The following MRTFB variants were observed in gnomAD, a reference collection of about 807,000 sequenced individuals.
MRTFB encodes myocardin-related transcription factor B.
Under a neutral mutation model 104.2 loss-of-function variants are expected in MRTFB, and 29 were observed. The ratio of observed to expected loss-of-function variants is 0.28; its 90% CI spans 0.21 to 0.38. The LOEUF is 0.38. Among genes scored for constraint, MRTFB ranks in the 10% least tolerant of loss-of-function variants. The pLI is 1.00. For synonymous variants in MRTFB, 535 were observed against 519.5 expected (o/e 1.03, Z -0.41); for missense variants, 1,270 against 1,341.6 (o/e 0.95, Z 0.83).
chr16:14,040,808 G>A, the MRTFB span, among the ~76,000 whole-genome samples: 1 of 152,000 alleles, frequency 6.6e-6, no homozygotes. Context: ...TTGCCAATCT[G>A]ATAGGTAGAA....
chr16:14,141,469 A>C (rs982343077), intron 3 of MRTFB: 9 of 152,264 alleles, frequency 5.9e-5, no homozygotes, highest in African/African-American at 2.2e-4. Flanking sequence ...AAGCATGCAC[A>C]TTAAAAAATA....
At chr16:14,223,167 G>C (rs534693815) in intron 8 of MRTFB, among the ~76,000 whole-genome samples, 1 of 152,096 alleles carries the variant, frequency 6.6e-6, no homozygotes, top group South Asian at 2.1e-4. Context: ...AGAAATAGCT[G>C]GGCGTGGTAG....
At chr16:14,116,511 C>T (rs1043510371) in intron 2 of MRTFB, among the ~76,000 whole-genome samples, 50 of 152,104 alleles carry the variant, frequency 3.3e-4, no homozygotes, top group African/African-American at 1.2e-3. Context: ...CCTCCTAAGC[C>T]TCTGACACTT....
rs376183467 is a variant in MRTFB at position 14,162,152 on chromosome 16, C to CAAAAA, written c.154+21410_154+21414dup. On this transcript the variant is annotated intron_variant, in intron 3 of 16. Coordinates refer to ENST00000571589, the MANE Select transcript of MRTFB (RefSeq NM_001308142.2). ...GCAACATAGGGAGACCCTGTCTCTA[C>CAAAAA]AAAAAAAAAAAAAAAAAAAAAATTA... Among the ~76,000 whole-genome samples the CAAAAA allele has an allele frequency of 9.2e-3, 573 of 62,468 alleles. 15 individuals are homozygous for CAAAAA. In the South Asian group the frequency reaches 0.11, roughly 12 times the overall value. The allele number at this position is 62,468 out of a possible 152,430, so 41.0% of individuals were successfully genotyped here. A position where few individuals can be genotyped will look rare whatever the true frequency, so the allele number is the denominator to read the frequency against.
chr16:14,173,461 A>C (rs2039486098), intron 3 of MRTFB, among the ~76,000 whole-genome samples: 1 of 152,054 alleles, frequency 6.6e-6, no homozygotes, highest in Non-Finnish European at 1.5e-5. Context: ...TAATTAATGG[A>C]GTTTTCTCCA....
Position 14,211,714 on chromosome 16 carries a change from T to C in MRTFB, c.221-640T>C, listed in dbSNP as rs537458510. ...GCATATTAAGGAGTCACTGTGTCTT[T>C]ACTGTGAGTTGCACTGTGGTATGGT... On this transcript the variant is annotated intron_variant, in intron 4 of 16. Coordinates refer to ENST00000571589, the MANE Select transcript of MRTFB (RefSeq NM_001308142.2). Among the ~76,000 whole-genome samples the C allele has an allele frequency of 2.0e-5, 3 of 152,330 alleles. No individual in the cohort carries two copies. In the East Asian group the frequency reaches 5.8e-4, roughly 29 times the overall value.
At position 14,246,781 on chromosome 16, in the gene MRTFB, ATCTCCCTCCGAACAG is replaced by A; in HGVS notation, c.1524_1538del (p.Pro509_Ser513del). On this transcript the variant is annotated inframe_deletion, in exon 12 of 17. Coordinates refer to ENST00000571589, the MANE Select transcript of MRTFB (RefSeq NM_001308142.2). ...TTCATTCCCCTCTGCCCATTTCACC[ATCTCCCTCCGAACAG>A]TCCAGTCTCAGTACTGATGACACAA... 2 of 1,613,888 alleles carry A rather than the reference ATCTCCCTCCGAACAG, an allele frequency of 1.2e-6. No homozygotes were observed. The highest frequency in any genetic ancestry group is 1.7e-6 in the Non-Finnish European group (2 of 1,180,014).
intron 3 of MRTFB, among the ~76,000 whole-genome samples, chr16:14,196,990 G>C (rs1157969205): frequency 1.1e-5 from 1 of 95,080 alleles, no homozygotes; most frequent in Non-Finnish European, 2.0e-5. Context: ...TTTTTTTTGA[G>C]ATGGAGTCTC....
chr16:14,241,552 A>T (rs1268419105), intron 10 of MRTFB: 1 of 152,234 alleles, frequency 6.6e-6, no homozygotes. Flanking sequence ...GCAAAAGCTC[A>T]TTATAATGAA....
the MRTFB span, among the ~76,000 whole-genome samples, chr16:14,048,097 A>C: frequency 3.3e-5 from 5 of 152,228 alleles, no homozygotes; most frequent in Non-Finnish European, 5.9e-5. Flanking sequence ...AAATTGGCCA[A>C]AATGAAGGGG....
intron 2 of MRTFB, among the ~76,000 whole-genome samples, chr16:14,085,329 C>T (rs112911215): frequency 1.4e-3 from 207 of 151,672 alleles, no homozygotes; most frequent in African/African-American, 4.0e-3. Context: ...TGGTGGCGGG[C>T]GCCTGTAATC....
intron 8 of MRTFB, among the ~76,000 whole-genome samples, chr16:14,219,375 G>GTCTTA (rs2041582958): frequency 6.6e-6 from 1 of 152,186 alleles, no homozygotes; most frequent in South Asian, 2.1e-4. Context: ...AAATTTACAT[G>GTCTTA]TCTTTTAATG....
intron 2 of MRTFB, among the ~76,000 whole-genome samples, chr16:14,103,765 T>A (rs1380412974): frequency 1.3e-5 from 2 of 152,252 alleles, no homozygotes; most frequent in Non-Finnish European, 2.9e-5. Flanking sequence ...TCCAAGTCAG[T>A]CCAGCCAAGG....
At chr16:14,054,770 C>T in the MRTFB span, among the ~76,000 whole-genome samples, 2 of 152,138 alleles carry the variant, frequency 1.3e-5, no homozygotes, top group African/African-American at 4.8e-5. Flanking sequence ...AACGAAGCTC[C>T]CCCTTAAAGT....
At chr16:14,216,984 A>T in intron 6 of MRTFB, 142 bp from the exon 7 acceptor site, 1 of 796,966 alleles carries the variant, frequency 1.3e-6, no homozygotes, top group Non-Finnish European at 1.8e-6. Flanking sequence ...ATTCTTAAAC[A>T]GTCATTTTCT....
At chr16:14,167,541 C>A (rs1322432703) in intron 3 of MRTFB, among the ~76,000 whole-genome samples, 1 of 152,064 alleles carries the variant, frequency 6.6e-6, no homozygotes, top group Non-Finnish European at 1.5e-5. Flanking sequence ...GCTTTTGTTA[C>A]AATTGCTTTT....
rs961350771 is a variant in MRTFB at position 14,097,698 on chromosome 16, A to T, written c.-64+18344A>T. On this transcript the variant is annotated intron_variant, in intron 2 of 16. Transcript: ENST00000571589. ...ATGATGAACATATCCATCACCCCCCAAAATTTCTTTGTATGGCTTTGTAAT... is the reference window on the plus strand; with the variant it reads ...ATGATGAACATATCCATCACCCCCCTAAATTTCTTTGTATGGCTTTGTAAT... Among the ~76,000 whole-genome samples the T allele has an allele frequency of 5.3e-5, 8 of 152,276 alleles. No individual in the cohort carries two copies. In the East Asian group the frequency reaches 9.7e-4, roughly 18 times the overall value.
chr16:14,250,934 A>AG (rs984147999), intron 13 of MRTFB, among the ~76,000 whole-genome samples: 2 of 152,220 alleles, frequency 1.3e-5, no homozygotes, highest in African/African-American at 2.4e-5. Flanking sequence ...GCTGAGAGGC[A>AG]GGGGGTAATG....
At chr16:14,016,050 C>A in the MRTFB span, 1 of 398,516 alleles carries the variant, frequency 2.5e-6, no homozygotes, top group South Asian at 1.3e-4. Flanking sequence ...GTCAGTACCC[C>A]AGGATCAAGA....
Sources: gnomAD v4.1 joint callset for allele counts (sites outside exome capture counted in the v4.1 genomes callset) on GRCh38, gnomAD v4.1.1 for gene constraint, MANE v1.5 for transcripts, NCBI Gene and HGNC (gene_info 2026-07-23, HGNC 2026-07-21) for gene names.